BEND7: variants seen among roughly 807,000 people sequenced by gnomAD.
BEND7 encodes the protein BEN domain-containing protein 7.
Under a neutral mutation model 50.9 loss-of-function variants are expected in BEND7, and 28 were observed. The ratio of observed to expected loss-of-function variants is 0.55; its 90% CI spans 0.41 to 0.75. BEND7 has a LOEUF of 0.75. Among genes scored for constraint, BEND7 ranks in the 30% least tolerant of loss-of-function variants. The pLI, the probability that BEND7 is intolerant of heterozygous loss-of-function variation, is 0.00. For missense variants in BEND7, 477 were observed against 491.3 expected, an observed-to-expected ratio of 0.97 and a Z score of 0.28; for synonymous variants, 170 against 183.9, an observed-to-expected ratio of 0.92 and a Z score of 0.61.
At chr10:13,496,652 C>T in intron 4 of BEND7, 114 bp downstream of exon 4, 2 of 1,264,322 alleles carry the variant, frequency 1.6e-6, no homozygotes, top group Non-Finnish European at 2.2e-6. Flanking sequence ...AAAGGCACAG[C>T]AAGACAGCAA....
intron 2 of BEND7, among the ~76,000 whole-genome samples, chr10:13,524,867 T>C (rs1301454115): frequency 6.6e-6 from 1 of 152,154 alleles, no homozygotes. Context: ...TGATCGCTCA[T>C]GTAAGAAATG....
At chr10:13,523,653 G>T (rs980804521) in intron 2 of BEND7, among the ~76,000 whole-genome samples, 1 of 152,136 alleles carries the variant, frequency 6.6e-6, no homozygotes, top group Non-Finnish European at 1.5e-5. Flanking sequence ...TTATGGACAG[G>T]CTTTAGCAAT....
chr10:13,481,166 A>G (rs757772168), intron 5 of BEND7, 42 bp from the exon 6 acceptor site: 28 of 1,598,318 alleles, frequency 1.8e-5, no homozygotes, highest in Non-Finnish European at 2.3e-5. Flanking sequence ...GCAAGATTTG[A>G]AGCATCTGAC....
At chr10:13,456,466 C>T (rs985172340) in intron 6 of BEND7, among the ~76,000 whole-genome samples, 7 of 152,078 alleles carry the variant, frequency 4.6e-5, no homozygotes, top group Admixed American at 6.5e-5. Flanking sequence ...GAGAGGAAGA[C>T]GTAGGGCTGA....
At chr10:13,493,495 C>G (rs991947675) in intron 4 of BEND7, among the ~76,000 whole-genome samples, 1 of 152,188 alleles carries the variant, frequency 6.6e-6, no homozygotes, top group African/African-American at 2.4e-5. Context: ...ACACATCAAC[C>G]ACCTCCAGAG....
At chr10:13,510,907 GT>G (rs2078231263) in intron 2 of BEND7, among the ~76,000 whole-genome samples, 1 of 152,004 alleles carries the variant, frequency 6.6e-6, no homozygotes, top group South Asian at 2.1e-4. Flanking sequence ...GCCGGGCACA[GT>G]GGCTCACGCC....
At chr10:13,460,718 T>C (rs1409690842) in intron 6 of BEND7, among the ~76,000 whole-genome samples, 1 of 152,234 alleles carries the variant, frequency 6.6e-6, no homozygotes, top group East Asian at 1.9e-4. Context: ...TTTCAGCATA[T>C]GGTTTTTCTC....
intron 6 of BEND7, among the ~76,000 whole-genome samples, chr10:13,460,327 C>A (rs1839957374): frequency 6.6e-6 from 1 of 152,156 alleles, no homozygotes; most frequent in Admixed American, 6.5e-5. Flanking sequence ...TCCACCTGCA[C>A]CCCACGAGAC....
intron 2 of BEND7, among the ~76,000 whole-genome samples, chr10:13,509,659 A>G (rs191662419): frequency 1.3e-5 from 2 of 152,350 alleles, no homozygotes; most frequent in Admixed American, 1.3e-4. Context: ...GGTGGTCAAT[A>G]AACAACACCA....
At chr10:13,445,551 G>A (rs1836142324) in intron 8 of BEND7, 1 of 152,190 alleles carries the variant, frequency 6.6e-6, no homozygotes, top group Admixed American at 6.5e-5. Flanking sequence ...TGGGCCTCAG[G>A]CTTTTTTTCC....
intron 2 of BEND7, among the ~76,000 whole-genome samples, chr10:13,522,851 C>T (rs768498583): frequency 4.6e-5 from 7 of 152,186 alleles, no homozygotes; most frequent in Non-Finnish European, 1.0e-4. Context: ...GGGCAGGTCA[C>T]CTCGACATCT....
rs1281489498 is a variant in BEND7, at chr10:13,528,710, G to A, written c.-177C>T. On this transcript the variant is annotated 5_prime_UTR_variant, in exon 1 of 9. Transcript: ENST00000466271. Reference sequence around the variant, plus strand: ...GGGACGGGAGGAACCACCGCGAGCCGGCTCGGGGCTGCAGGCGCGGGGCCC... The same window carrying A: ...GGGACGGGAGGAACCACCGCGAGCCAGCTCGGGGCTGCAGGCGCGGGGCCC... 2.4e-5 allele frequency: 4 copies of A among 170,208 alleles called. No homozygotes were observed. Among genetic ancestry groups the A allele is most frequent in the Non-Finnish European group, 4.6e-5 (4 of 86,744 alleles). 10.5% of individuals were successfully genotyped at this position (170,208 alleles called of 1,614,324 possible).
rs1836530711 is a variant in BEND7, at chr10:13,447,161, T to A, written c.1234+105A>T. On this transcript the variant is annotated intron_variant, in intron 8 of 8. Transcript: ENST00000466271. ...GGCCTGGTCCACTGCAGAAGCAGTT[T>A]GCTCAAGTGTCTGCATGTCTAATGT... 1.1e-5 allele frequency: 13 copies of A among 1,189,156 alleles called. 1 individual carries two copies. In the South Asian group the frequency reaches 1.5e-4, roughly 14 times the overall value. The allele number at this position is 1,189,156 out of a possible 1,614,324, so 73.7% of individuals were successfully genotyped here. A position where few individuals can be genotyped will look rare whatever the true frequency, so the allele number is the denominator to read the frequency against.
At chr10:13,438,517 A>G (rs927395284), downstream of BEND7, 3 of 152,072 alleles carry the variant, frequency 2.0e-5, 1 homozygote, top group Middle Eastern at 3.2e-3. Context: ...ACCAATAACA[A>G]AATAGAAATA....
intron 4 of BEND7, among the ~76,000 whole-genome samples, chr10:13,496,342 TCTGAGCTTCCG>T (rs1205661799): frequency 6.6e-6 from 1 of 152,226 alleles, no homozygotes; most frequent in African/African-American, 2.4e-5. Context: ...ACGGCGGATT[TCTGAGCTTCCG>T]CATCCTGAAT....
chr10:13,447,087 G>T, intron 8 of BEND7, 179 bp downstream of exon 8: 1 of 661,630 alleles, frequency 1.5e-6, no homozygotes. Flanking sequence ...TTTCTATTCA[G>T]TATGAAAAAC....
Position 13,500,021 on chromosome 10 carries a change from T to A in BEND7, c.205A>T (p.Ser69Cys). 1.2e-6 allele frequency: 2 copies of A among 1,613,208 alleles called. No homozygotes were observed. Among genetic ancestry groups the A allele is most frequent in the Non-Finnish European group, 1.7e-6 (2 of 1,179,232 alleles). The change falls in exon 3 of 9, where the codon AGC becomes TGC. Residue 69 changes from serine to cysteine, a missense_variant. Coordinates refer to ENST00000466271, the MANE Select transcript of BEND7 (RefSeq NM_001369863.1). ...ACTCGCTGATAGATCCGCCCAGTGC[T>A]GTCGTTCAGCAATCTTCTCATCCCT... ...ITGMRRLLND[S>C]TGRIYQRVGK...
chr10:13,487,921 T>G (rs1254999564), intron 5 of BEND7, among the ~76,000 whole-genome samples: 2 of 151,646 alleles, frequency 1.3e-5, no homozygotes, highest in African/African-American at 4.8e-5. Context: ...GGTGAAACCC[T>G]GTCTCTACTA....
At chr10:13,442,260 A>G (rs1331495005) in intron 8 of BEND7, 1 of 153,196 alleles carries the variant, frequency 6.5e-6, no homozygotes, top group East Asian at 1.9e-4. Context: ...ATCCAGGGCT[A>G]GGGGAAGGCA....
Sources: allele counts gnomAD v4.1 joint callset (sites outside exome capture counted in the v4.1 genomes callset), GRCh38; gene constraint gnomAD v4.1.1; transcripts MANE v1.5; gene names NCBI Gene and HGNC (gene_info 2026-07-23, HGNC 2026-07-21).